CREBRF: variants seen among roughly 807,000 people sequenced by gnomAD.
CREBRF encodes UPF0474 protein C5orf41.
CREBRF carries 5 observed loss-of-function variants against 66.1 expected under a neutral mutation model. The ratio of observed to expected loss-of-function variants is 0.08; its 90% CI spans 0.04 to 0.16. The LOEUF (loss-of-function observed/expected upper bound fraction) is 0.16. CREBRF is among the 10% of genes least tolerant of loss of function. The pLI is 1.00. For missense variants in CREBRF, 531 were observed against 744.9 expected (o/e 0.71, Z 3.34); for synonymous variants, 229 against 264.4 (o/e 0.87, Z 1.30).
chr5:173,114,093 A>T (rs1359920664), intron 7 of CREBRF, among the ~76,000 whole-genome samples: 1 of 152,206 alleles, frequency 6.6e-6, no homozygotes, highest in Admixed American at 6.5e-5. Context: ...TTAATCTTTT[A>T]TCTTGATTAT....
intron 2 of CREBRF, chr5:173,085,837 G>C: frequency 1.3e-6 from 1 of 786,056 alleles, no homozygotes. Context: ...GTTTGTTCTT[G>C]GCAAGTTTCT....
rs144065976 is a variant in CREBRF at position 173,080,751 on chromosome 5, G to T, written c.-25G>T. 3 of 1,611,616 alleles carry T rather than the reference G, an allele frequency of 1.9e-6. No homozygotes were observed. Among genetic ancestry groups the T allele is most frequent in the Non-Finnish European group, 2.5e-6 (3 of 1,178,874 alleles). On this transcript the variant is annotated 5_prime_UTR_variant, in exon 2 of 9. Transcript: ENST00000296953. ...CAAGAAAAAAAAGAAGTTTGGAATC[G>T]GATTCACAGGATCTGGGCTTGGAAA...
rs185284110 is a variant in CREBRF at position 173,115,811 on chromosome 5, C to T, written c.1681+3432C>T. ...ATTTTTAGTAGAGATGGTGTTTCAC[C>T]GTATTAGCCAGGATGGTCTTGATCT... On this transcript the variant is annotated intron_variant, in intron 7 of 8. Transcript: ENST00000296953. Among the ~76,000 whole-genome samples, 55 of 151,626 alleles carry T rather than the reference C, an allele frequency of 3.6e-4. No individual in the cohort carries two copies. In the East Asian group the frequency reaches 0.011, roughly 30 times the overall value.
chr5:173,106,473 T>C (rs1282158231), intron 4 of CREBRF, among the ~76,000 whole-genome samples: 1 of 152,150 alleles, frequency 6.6e-6, no homozygotes, highest in Non-Finnish European at 1.5e-5. Flanking sequence ...CACTGCTTGC[T>C]GTTTTGTTTT....
At chr5:173,071,232 A>C (rs111617751) in intron 1 of CREBRF, among the ~76,000 whole-genome samples, 1 of 152,044 alleles carries the variant, frequency 6.6e-6, no homozygotes, top group Non-Finnish European at 1.5e-5. Flanking sequence ...TTTGTTTGAG[A>C]TGGAGTTTTG....
In CREBRF at chr5:173,134,813, T is replaced by G. The variant is rs1759550501; in HGVS notation, c.*1068T>G. 1 of 152,478 alleles carries G rather than the reference T, an allele frequency of 6.6e-6. No individual in the cohort carries two copies. Among genetic ancestry groups the G allele is most frequent in the Non-Finnish European group, 1.5e-5 (1 of 67,966 alleles). 9.4% of individuals were successfully genotyped at this position (152,478 alleles called of 1,614,324 possible). On this transcript the variant is annotated 3_prime_UTR_variant, in exon 9 of 9. Coordinates refer to ENST00000296953, the MANE Select transcript of CREBRF (RefSeq NM_153607.3). ...ACTGAACTGTGAATTTTATTTCTGT[T>G]TGGGTCCAATTATCTACAGAAGGAG...
At chr5:173,121,557 C>T (rs769847320) in intron 7 of CREBRF, among the ~76,000 whole-genome samples, 5 of 151,916 alleles carry the variant, frequency 3.3e-5, no homozygotes, top group Admixed American at 6.6e-5. Flanking sequence ...CTCCTGACCC[C>T]GTGATCCGCC....
rs1759646218 is a variant in CREBRF, at chr5:173,138,830, C to T, written c.*5085C>T. On this transcript the variant is annotated 3_prime_UTR_variant, in exon 9 of 9. Transcript: ENST00000296953. The stretch of plus-strand genomic sequence containing the variant: ...TTACCTTCTTTCCCTAGGATTTGTC[C>T]TACAGCTTAGTATTGTGGTTGACAG... 1 of 152,064 alleles carries T rather than the reference C, an allele frequency of 6.6e-6. No individual in the cohort carries two copies. Among genetic ancestry groups the T allele is most frequent in the Non-Finnish European group, 1.5e-5 (1 of 68,032 alleles). 9.4% of individuals were successfully genotyped at this position (152,064 alleles called of 1,614,324 possible).
intron 6 of CREBRF, among the ~76,000 whole-genome samples, chr5:173,111,422 A>G (rs746776702): frequency 3.9e-5 from 6 of 152,088 alleles, no homozygotes; most frequent in Non-Finnish European, 7.4e-5. Flanking sequence ...GTGACCCACC[A>G]TGCCCAGCTA....
At chr5:173,108,839 G>A in intron 5 of CREBRF, 21 bp downstream of exon 5, 1 of 1,595,152 alleles carries the variant, frequency 6.3e-7, no homozygotes, top group Non-Finnish European at 8.6e-7. Context: ...ATTGCAGTCA[G>A]ATATTTAGTG....
At chr5:173,067,533 A>G (rs1581658494) in intron 1 of CREBRF, among the ~76,000 whole-genome samples, 1 of 152,292 alleles carries the variant, frequency 6.6e-6, no homozygotes, top group East Asian at 1.9e-4. Flanking sequence ...TTCCCCCAAA[A>G]GAGTGGTATT....
intron 8 of CREBRF, among the ~76,000 whole-genome samples, chr5:173,126,945 G>A (rs2113801903): frequency 6.6e-6 from 1 of 152,206 alleles, no homozygotes; most frequent in African/African-American, 2.4e-5. Flanking sequence ...CCAACACTTT[G>A]GGAGGCTGAG....
At chr5:173,094,587 A>T (rs1188680912) in intron 4 of CREBRF, among the ~76,000 whole-genome samples, 1 of 152,070 alleles carries the variant, frequency 6.6e-6, no homozygotes. Flanking sequence ...ATGTCTTTTT[A>T]AAAATGTTTA....
At chr5:173,065,627 G>C (rs541999379) in intron 1 of CREBRF, among the ~76,000 whole-genome samples, 48 of 137,540 alleles carry the variant, frequency 3.5e-4, no homozygotes, top group African/African-American at 1.3e-3. Context: ...ATTCCCTTTG[G>C]GTTATATTTC....
At chr5:173,068,634 A>T (rs1757504325) in intron 1 of CREBRF, among the ~76,000 whole-genome samples, 2 of 151,502 alleles carry the variant, frequency 1.3e-5, no homozygotes, top group Middle Eastern at 3.5e-3. Flanking sequence ...GAGTCCAGAG[A>T]TTCTTTTGCT....
intron 1 of CREBRF, among the ~76,000 whole-genome samples, chr5:173,067,457 G>A (rs1757466205): frequency 6.6e-6 from 1 of 152,102 alleles, no homozygotes; most frequent in African/African-American, 2.4e-5. Context: ...ATTTAAAGAG[G>A]ATACCTCTTT....
At chr5:173,115,645 G>GTT (rs200060998) in intron 7 of CREBRF, among the ~76,000 whole-genome samples, 10 of 148,498 alleles carry the variant, frequency 6.7e-5, no homozygotes, top group Non-Finnish European at 1.0e-4. Flanking sequence ...GTTTTGCTTT[G>GTT]TTTTTTTTTT....
intron 7 of CREBRF, among the ~76,000 whole-genome samples, chr5:173,117,394 A>AAAAATAAG (rs1554126323): frequency 6.9e-6 from 1 of 145,902 alleles, no homozygotes; most frequent in South Asian, 2.2e-4. Context: ...AAAAAAAAAA[A>AAAAATAAG]TAAGTAAGTA....
chr5:173,119,716 TTTA>T (rs1257658523), intron 7 of CREBRF, among the ~76,000 whole-genome samples: 4 of 152,202 alleles, frequency 2.6e-5, no homozygotes, highest in African/African-American at 9.6e-5. Flanking sequence ...ACCTTTTATC[TTTA>T]GGTATGATGT....
Sources: gnomAD v4.1 joint callset for allele counts (sites outside exome capture counted in the v4.1 genomes callset) on GRCh38, gnomAD v4.1.1 for gene constraint, MANE v1.5 for transcripts, NCBI Gene and HGNC (gene_info 2026-07-23, HGNC 2026-07-21) for gene names.